CTNNA3: variants seen among roughly 807,000 people sequenced by gnomAD.
CTNNA3 encodes the protein catenin alpha 3.
Under a neutral mutation model 95.7 loss-of-function variants are expected in CTNNA3, and 76 were observed. The observed-to-expected ratio is 0.79, with a 90% CI of 0.66 to 0.96. CTNNA3 has a LOEUF of 0.96. CTNNA3 is among the 40% of genes least tolerant of loss of function. CTNNA3 has a pLI of 0.00. For synonymous variants in CTNNA3, 431 were observed against 374.4 expected, an observed-to-expected ratio of 1.15 and a Z score of -1.74; for missense variants, 1,191 against 1,089.8, an observed-to-expected ratio of 1.09 and a Z score of -1.31.
intron 5 of CTNNA3, among the ~76,000 whole-genome samples, chr10:67,355,800 C>G (rs1160588788): frequency 6.6e-6 from 1 of 151,946 alleles, no homozygotes; most frequent in African/African-American, 2.4e-5. Context: ...TCCCATTCTT[C>G]CCTTTATATA....
chr10:67,639,534 C>G (rs1271878650), intron 2 of CTNNA3, among the ~76,000 whole-genome samples: 2 of 152,098 alleles, frequency 1.3e-5, no homozygotes, highest in African/African-American at 4.8e-5. Context: ...GATACCAAAG[C>G]CTGGCAGAGA....
In CTNNA3 at chr10:65,913,946, G is replaced by T. The variant is rs930034801; in HGVS notation, c.*6384C>A. On this transcript the variant is annotated 3_prime_UTR_variant, in exon 18 of 18. Transcript: ENST00000433211. ...AGAATAGAAAAGCAAGATATCTACA[G>T]GCTTTTGAACTATTGATACAACTAT... 6.6e-6 allele frequency: 1 copy of T among 152,068 alleles called. No individual in the cohort carries two copies. The highest frequency in any genetic ancestry group is 2.4e-5 in the African/African-American group (1 of 41,404). The allele number at this position is 152,068 out of a possible 1,614,324, so 9.4% of individuals were successfully genotyped here.
intron 11 of CTNNA3, among the ~76,000 whole-genome samples, chr10:66,401,264 T>C (rs749926995): frequency 1.0e-3 from 158 of 152,196 alleles, no homozygotes; most frequent in African/African-American, 3.2e-3. Flanking sequence ...CAGTGGCTTA[T>C]TCCTATAATC....
At chr10:66,799,121 G>A (rs1326274478) in intron 7 of CTNNA3, among the ~76,000 whole-genome samples, 1 of 151,522 alleles carries the variant, frequency 6.6e-6, no homozygotes, top group East Asian at 1.9e-4. Flanking sequence ...TTAATTCACT[G>A]TCAGAACAAA....
At chr10:66,279,254 A>G (rs1206683581) in intron 13 of CTNNA3, among the ~76,000 whole-genome samples, 2 of 152,054 alleles carry the variant, frequency 1.3e-5, no homozygotes, top group Non-Finnish European at 2.9e-5. Flanking sequence ...AGTGACATTC[A>G]GGCCTATCAG....
At chr10:66,913,871 T>C (rs1461588458) in intron 7 of CTNNA3, among the ~76,000 whole-genome samples, 1 of 152,194 alleles carries the variant, frequency 6.6e-6, no homozygotes, top group Non-Finnish European at 1.5e-5. Flanking sequence ...ATACTAGGCA[T>C]AGCAGTGAGA....
chr10:66,931,400 C>A (rs1276760565), intron 7 of CTNNA3, among the ~76,000 whole-genome samples: 3 of 152,126 alleles, frequency 2.0e-5, no homozygotes, highest in African/African-American at 7.2e-5. Flanking sequence ...AATACTTATG[C>A]AAGATATATT....
intron 9 of CTNNA3, among the ~76,000 whole-genome samples, chr10:66,741,709 T>C (rs1448332288): frequency 6.6e-6 from 1 of 152,194 alleles, no homozygotes; most frequent in East Asian, 1.9e-4. Context: ...GAACATAAAT[T>C]GTGAAGATTT....
intron 16 of CTNNA3, among the ~76,000 whole-genome samples, chr10:65,983,956 A>C (rs1031477216): frequency 1.3e-5 from 2 of 151,390 alleles, no homozygotes; most frequent in African/African-American, 4.8e-5. Context: ...TTCTTTCTAC[A>C]TGTGAACTTT....
intron 5 of CTNNA3, among the ~76,000 whole-genome samples, chr10:67,284,516 T>C (rs528484835): frequency 1.7e-4 from 26 of 152,312 alleles, no homozygotes; most frequent in African/African-American, 6.0e-4. Context: ...TTTTTATCTG[T>C]ACTTACAGCG....
chr10:67,721,854 CT>C (rs1841181425), intron 1 of CTNNA3, among the ~76,000 whole-genome samples: 1 of 152,038 alleles, frequency 6.6e-6, no homozygotes, highest in African/African-American at 2.4e-5. Flanking sequence ...TGTGGATGTC[CT>C]TTTTGTTGAT....
chr10:66,305,562 A>T (rs905161749), intron 12 of CTNNA3, among the ~76,000 whole-genome samples: 3 of 152,172 alleles, frequency 2.0e-5, no homozygotes, highest in African/African-American at 7.2e-5. Context: ...GTAAACATAT[A>T]TGATTTTAAA....
intron 6 of CTNNA3, among the ~76,000 whole-genome samples, chr10:67,208,325 GC>G (rs1397125141): frequency 6.8e-6 from 1 of 147,174 alleles, no homozygotes; most frequent in African/African-American, 2.5e-5. Flanking sequence ...GTTGCAGTGA[GC>G]CGAGATCGTG....
chr10:66,895,381 T>A (rs1253498599), intron 7 of CTNNA3, among the ~76,000 whole-genome samples: 2 of 152,164 alleles, frequency 1.3e-5, no homozygotes, highest in East Asian at 3.9e-4. Flanking sequence ...TTAAGAGTAC[T>A]CAAACTTTTA....
intron 9 of CTNNA3, among the ~76,000 whole-genome samples, chr10:66,641,695 A>G (rs1360064671): frequency 6.6e-6 from 1 of 152,150 alleles, no homozygotes; most frequent in African/African-American, 2.4e-5. Flanking sequence ...ACATCTCTTA[A>G]TATTAGTTTG....
At chr10:67,489,591 A>C (rs1336459658) in intron 5 of CTNNA3, among the ~76,000 whole-genome samples, 2 of 152,132 alleles carry the variant, frequency 1.3e-5, no homozygotes, top group African/African-American at 4.8e-5. Context: ...AATCAATATC[A>C]TGGAAATGAA....
intron 13 of CTNNA3, among the ~76,000 whole-genome samples, chr10:66,235,857 C>A (rs2089830919): frequency 6.6e-6 from 1 of 152,072 alleles, no homozygotes; most frequent in Non-Finnish European, 1.5e-5. Context: ...TCTATAAGAT[C>A]CAAAGAATGC....
Position 67,184,482 on chromosome 10 carries a change from T to C in CTNNA3, c.844-3962A>G, listed in dbSNP as rs1862739334. Among the ~76,000 whole-genome samples the C allele has an allele frequency of 2.6e-5, 4 of 152,252 alleles. No individual in the cohort carries two copies. In the South Asian group the frequency reaches 8.3e-4, roughly 32 times the overall value. On this transcript the variant is annotated intron_variant, in intron 6 of 17. Coordinates refer to ENST00000433211, the MANE Select transcript of CTNNA3 (RefSeq NM_013266.4). ...AGCAACATTTTTGACACTCATCAAG[T>C]AGAAAGTTGGCTCAACTTTAATATT...
At chr10:66,543,911 GTATATA>G (rs1198925758) in intron 10 of CTNNA3, among the ~76,000 whole-genome samples, 8 of 16,222 alleles carry the variant, frequency 4.9e-4, no homozygotes, top group African/African-American at 1.1e-3. Flanking sequence ...GTGTGTGTGT[GTATATA>G]TATATATATA....
Sources: gnomAD v4.1 joint callset for allele counts (sites outside exome capture counted in the v4.1 genomes callset) on GRCh38, gnomAD v4.1.1 for gene constraint, MANE v1.5 for transcripts, NCBI Gene and HGNC (gene_info 2026-07-23, HGNC 2026-07-21) for gene names.